Variants in PDE4A observed in about 807,000 individuals in gnomAD.
PDE4A encodes the protein phosphodiesterase 4A, also known as 3',5'-cyclic-AMP phosphodiesterase 4A.
A neutral mutation model predicts 73.9 loss-of-function variants in PDE4A; 21 were observed. That is an observed-to-expected ratio of 0.28 (90% CI 0.20 to 0.41). PDE4A has a LOEUF of 0.41. PDE4A is among the 10% of genes least tolerant of loss of function. PDE4A has a pLI of 1.00. For missense variants in PDE4A, 958 were observed against 1,211.4 expected (o/e 0.79, Z 3.10); for synonymous variants, 463 against 505.4 (o/e 0.92, Z 1.13).
At chr19:10,437,416 C>T (rs140333780) in intron 1 of PDE4A, among the ~76,000 whole-genome samples, 16 of 151,704 alleles carry the variant, frequency 1.1e-4, no homozygotes, top group African/African-American at 3.9e-4. Flanking sequence ...GCCACCGTGC[C>T]CGGCCTTTTT....
At chr19:10,462,659 ATCCCATCTCTCCT>A (rs749877529) in intron 13 of PDE4A, among the ~76,000 whole-genome samples, 1 of 150,724 alleles carries the variant, frequency 6.6e-6, no homozygotes, top group East Asian at 2.0e-4. Flanking sequence ...TCACTTTCCA[ATCCCATCTCTCCT>A]TCCCATCTCT....
intron 1 of PDE4A, among the ~76,000 whole-genome samples, chr19:10,425,262 T>A (rs1004154542): frequency 2.6e-5 from 4 of 151,566 alleles, no homozygotes; most frequent in Non-Finnish European, 5.9e-5. Flanking sequence ...TCTGCTCCAC[T>A]GCAGACCGCT....
upstream of PDE4A, chr19:10,420,265 C>T (rs900323856): frequency 8.4e-6 from 3 of 356,176 alleles, no homozygotes; most frequent in African/African-American, 6.6e-5. The surrounding 1 kb of genome is among the most constrained non-coding windows in gnomAD (Gnocchi z 6.0). Context: ...ATCGGATTAA[C>T]CGTTTAACTC....
chr19:10,434,765 T>C (rs2042842040), intron 1 of PDE4A, among the ~76,000 whole-genome samples: 1 of 151,748 alleles, frequency 6.6e-6, no homozygotes, highest in Admixed American at 6.6e-5. Flanking sequence ...CTAATTTTTA[T>C]ATTTTTAGTA....
intron 1 of PDE4A, among the ~76,000 whole-genome samples, chr19:10,441,813 C>T (rs1281236732): frequency 1.3e-5 from 2 of 150,820 alleles, no homozygotes; most frequent in African/African-American, 4.9e-5. Context: ...CCTCAGCCTC[C>T]GGAATAGCTG....
In PDE4A at chr19:10,431,138, G is replaced by A. The variant is rs191076488; in HGVS notation, c.320+10054G>A. On this transcript the variant is annotated intron_variant, in intron 1 of 14. Coordinates refer to ENST00000380702, the MANE Select transcript of PDE4A (RefSeq NM_001111307.2). ...TTCAAGTCGCCCCTGGCCACCTGGC[G>A]CACTCCAGGGTCTAGGGTTCGTGGC... is the stretch of plus-strand genomic sequence containing the variant. The A allele has an allele frequency of 2.9e-5, 37 of 1,258,920 alleles. No individual in the cohort carries two copies. The East Asian group carries it at 7.9e-4, about 27-fold the overall frequency. The allele number at this position is 1,258,920 out of a possible 1,614,324, so 78.0% of individuals were successfully genotyped here. A position where few individuals can be genotyped will look rare whatever the true frequency, so the allele number is the denominator to read the frequency against.
intron 11 of PDE4A, 101 bp from the exon 12 acceptor site, chr19:10,461,425 G>T: frequency 1.3e-6 from 2 of 1,546,150 alleles, no homozygotes; most frequent in Non-Finnish European, 1.7e-6. Flanking sequence ...GGCGAGGCTG[G>T]CCGGGCTGGG....
rs1409005959 is a variant in PDE4A at position 10,453,276 on chromosome 19, G to T, written c.784-1553G>T. The T allele has an allele frequency of 3.7e-6, 6 of 1,613,312 alleles. No individual in the cohort carries two copies. The highest frequency in any genetic ancestry group is 5.1e-6 in the Non-Finnish European group (6 of 1,179,614). ...CTAAGTCTCCAAGATGCCCTTGGTG[G>T]ATTTCTTCTGCGAGACCTGCTCTAA... is the stretch of plus-strand genomic sequence containing the variant. On this transcript the variant is annotated intron_variant, in intron 6 of 14. Coordinates refer to ENST00000380702, the MANE Select transcript of PDE4A (RefSeq NM_001111307.2). The surrounding 1 kb of genome is among the most constrained non-coding windows in gnomAD (Gnocchi z 4.6).
upstream of PDE4A, chr19:10,419,233 G>GC (rs1185925983): frequency 3.0e-5 from 6 of 198,486 alleles, no homozygotes; most frequent in Admixed American, 1.3e-4. Context: ...GCGTGGGGGG[G>GC]GGGGGCGGTG....
At chr19:10,433,050 GT>G (rs772024729) in intron 1 of PDE4A, among the ~76,000 whole-genome samples, 1 of 152,172 alleles carries the variant, frequency 6.6e-6, no homozygotes, top group Non-Finnish European at 1.5e-5. Flanking sequence ...CATGGAGGGT[GT>G]TTAGAATAGG....
At chr19:10,434,213 C>CT (rs146534180) in intron 1 of PDE4A, among the ~76,000 whole-genome samples, 22,326 of 134,622 alleles carry the variant, frequency 0.17, 2,229 homozygotes, top group African/African-American at 0.27. Context: ...CTCTTTCTTC[C>CT]TTTTTTTTTT....
intron 6 of PDE4A, chr19:10,452,853 T>TG: frequency 5.6e-6 from 3 of 532,012 alleles, no homozygotes; most frequent in Non-Finnish European, 4.9e-6. Context: ...TGGGCTCTGA[T>TG]GCCCCTTTAA....
intron 1 of PDE4A, among the ~76,000 whole-genome samples, chr19:10,436,006 G>A (rs1283324242): frequency 6.6e-6 from 1 of 152,176 alleles, no homozygotes; most frequent in Non-Finnish European, 1.5e-5. Context: ...AGGCCTCTGG[G>A]CTCCTGCTGA....
At chr19:10,434,506 C>G (rs553376778) in intron 1 of PDE4A, among the ~76,000 whole-genome samples, 30 of 151,864 alleles carry the variant, frequency 2.0e-4, no homozygotes, top group Non-Finnish European at 3.7e-4. Flanking sequence ...CCGTGCCTGG[C>G]CTCAGTTTCT....
chr19:10,417,625 A>G, upstream of PDE4A: 1 of 1,552,672 alleles, frequency 6.4e-7, no homozygotes, highest in Admixed American at 1.8e-5. Context: ...CTTCCCAGCC[A>G]GGCCACGCCC....
intron 1 of PDE4A, 153 bp downstream of exon 1, chr19:10,421,237 T>C (rs1427924427): frequency 1.0e-6 from 1 of 985,196 alleles, no homozygotes; most frequent in Non-Finnish European, 1.2e-6. Context: ...GTCTGGGACC[T>C]GGCCCCTGGT....
chr19:10,446,659 A>G lies in PDE4A; in HGVS notation c.512+250A>G, dbSNP rs537466599. Among the ~76,000 whole-genome samples, 3 of 148,688 alleles carry G rather than the reference A, an allele frequency of 2.0e-5. No individual in the cohort carries two copies. The East Asian group carries it at 6.0e-4, about 30-fold the overall frequency. ...GTCCAGGCTGGAGTGTAGAGGTGCC[A>G]TCTCAGCTCACTGCAACCTCCGCCT... On this transcript the variant is annotated intron_variant, in intron 2 of 14. Coordinates refer to ENST00000380702, the MANE Select transcript of PDE4A (RefSeq NM_001111307.2).
upstream of PDE4A, chr19:10,417,754 G>C: frequency 1.3e-6 from 2 of 1,577,886 alleles, no homozygotes; most frequent in Non-Finnish European, 1.7e-6. Flanking sequence ...CCTGGCCTGG[G>C]CTGGGCCCAG....
intron 7 of PDE4A, among the ~76,000 whole-genome samples, chr19:10,455,191 G>A (rs916837053): frequency 2.0e-5 from 3 of 152,100 alleles, no homozygotes; most frequent in African/African-American, 4.8e-5. Context: ...CGCCGGGCGC[G>A]GTGGCTCACG....
Sources: gnomAD v4.1 joint callset for allele counts (sites outside exome capture counted in the v4.1 genomes callset) on GRCh38, gnomAD v4.1.1 for gene constraint, Gnocchi (gnomAD v3.1) non-coding constraint, MANE v1.5 for transcripts, NCBI Gene and HGNC (gene_info 2026-07-23, HGNC 2026-07-21) for gene names.